The following PCCA variants were observed in gnomAD, a reference collection of about 807,000 sequenced individuals.
PCCA encodes propionyl-CoA carboxylase alpha chain, mitochondrial.
In PCCA, 74 loss-of-function variants were observed where a neutral mutation model predicts 101.3. The observed-to-expected ratio is 0.73, with a 90% CI of 0.61 to 0.89. The LOEUF (loss-of-function observed/expected upper bound fraction) is 0.89, where lower values mean the gene tolerates loss of function less well. PCCA is among the 40% of genes least tolerant of loss of function. The probability of loss-of-function intolerance (pLI) is 0.00; values close to 1 mark genes in which losing one functional copy is unlikely to be tolerated. For missense variants in PCCA, 891 were observed against 907.0 expected (o/e 0.98, Z 0.23); for synonymous variants, 294 against 313.6 (o/e 0.94, Z 0.66).
intron 4 of PCCA, among the ~76,000 whole-genome samples, chr13:100,132,180 A>G (rs2050581279): frequency 1.3e-5 from 2 of 151,652 alleles, no homozygotes; most frequent in African/African-American, 2.4e-5. Context: ...ATCCTATAGT[A>G]ATAGGATACC....
At chr13:100,328,646 G>A (rs2069038597) in intron 16 of PCCA, among the ~76,000 whole-genome samples, 1 of 145,152 alleles carries the variant, frequency 6.9e-6, no homozygotes, top group Admixed American at 6.9e-5. Context: ...TTCATTTGGA[G>A]TTAATTTTTT....
chr13:100,371,584 A>G (rs2075576142), intron 19 of PCCA, among the ~76,000 whole-genome samples: 1 of 152,204 alleles, frequency 6.6e-6, no homozygotes, highest in Non-Finnish European at 1.5e-5. Context: ...TGAACAAAAG[A>G]AAAATGAAAG....
chr13:100,180,926 T>C (rs948415991), intron 6 of PCCA, among the ~76,000 whole-genome samples: 6 of 152,242 alleles, frequency 3.9e-5, no homozygotes, highest in Non-Finnish European at 8.8e-5. Context: ...TAATCAAGGC[T>C]TAAGCCATTG....
chr13:100,142,684 G>A (rs183190627), intron 4 of PCCA, among the ~76,000 whole-genome samples: 11 of 152,238 alleles, frequency 7.2e-5, no homozygotes, highest in Admixed American at 7.2e-4. Flanking sequence ...ATGTTGGCCA[G>A]GCTGGTCTCA....
intron 4 of PCCA, among the ~76,000 whole-genome samples, chr13:100,130,062 C>G (rs1394067155): frequency 6.6e-6 from 1 of 152,062 alleles, no homozygotes; most frequent in African/African-American, 2.4e-5. Flanking sequence ...TTTTTTTGTG[C>G]TAAATTTATT....
intron 4 of PCCA, among the ~76,000 whole-genome samples, chr13:100,146,253 TATAAG>T (rs1306195186): frequency 6.6e-6 from 1 of 151,572 alleles, no homozygotes; most frequent in East Asian, 2.0e-4. Context: ...TTTGCTTTTT[TATAAG>T]ATATCTGTTG....
chr13:100,398,891 A>T (rs1217189264), intron 19 of PCCA, among the ~76,000 whole-genome samples: 1 of 152,210 alleles, frequency 6.6e-6, no homozygotes, highest in Non-Finnish European at 1.5e-5. Context: ...ACTATTAATT[A>T]TAATAAAGTG....
intron 1 of PCCA, among the ~76,000 whole-genome samples, chr13:100,100,033 G>A (rs571370337): frequency 2.0e-5 from 3 of 152,240 alleles, no homozygotes; most frequent in East Asian, 3.9e-4. Context: ...TACATATTTG[G>A]ATTTAGTTTT....
chr13:100,460,622 TAATA>T (rs772330957), intron 21 of PCCA, among the ~76,000 whole-genome samples: 21 of 152,230 alleles, frequency 1.4e-4, no homozygotes, highest in Non-Finnish European at 2.5e-4. Flanking sequence ...TTTTTATTGA[TAATA>T]AATATACTTT....
chr13:100,272,288 A>G (rs947198394), intron 11 of PCCA, among the ~76,000 whole-genome samples: 2 of 152,190 alleles, frequency 1.3e-5, no homozygotes, highest in Non-Finnish European at 2.9e-5. Flanking sequence ...CCCCTAGGGG[A>G]AATACAGGGT....
chr13:100,513,783 C>A (rs1408442595), intron 21 of PCCA, among the ~76,000 whole-genome samples: 1 of 152,196 alleles, frequency 6.6e-6, no homozygotes, highest in Non-Finnish European at 1.5e-5. Context: ...CTGAACAAGG[C>A]ACGTCGTAAG....
At chr13:100,154,757 AT>A in intron 4 of PCCA, 2 of 525,480 alleles carry the variant, frequency 3.8e-6, no homozygotes, top group Non-Finnish European at 3.4e-6. Flanking sequence ...TATGGAAATT[AT>A]TTGGTTAGAC....
chr13:100,472,596 A>G (rs577843835), intron 21 of PCCA, among the ~76,000 whole-genome samples: 2 of 152,160 alleles, frequency 1.3e-5, no homozygotes, highest in South Asian at 4.2e-4. Context: ...AGCCAGAGAA[A>G]AGTGTGGGTG....
chr13:100,347,379 C>T (rs1379577268), intron 18 of PCCA, among the ~76,000 whole-genome samples: 2 of 152,168 alleles, frequency 1.3e-5, no homozygotes, highest in Non-Finnish European at 2.9e-5. Context: ...TACTAAAATG[C>T]ATTCTGAAAC....
intron 4 of PCCA, among the ~76,000 whole-genome samples, chr13:100,147,861 T>C (rs2052771395): frequency 6.6e-6 from 1 of 152,200 alleles, no homozygotes; most frequent in Admixed American, 6.5e-5. Context: ...GAAATTGTGA[T>C]GGATCTATAT....
chr13:100,222,800 T>C (rs948720448), intron 7 of PCCA, among the ~76,000 whole-genome samples: 2 of 152,246 alleles, frequency 1.3e-5, no homozygotes, highest in Admixed American at 1.3e-4. Context: ...CCACCAGTTA[T>C]GATACAATTT....
chr13:100,392,391 T>G (rs1008646196), intron 19 of PCCA, among the ~76,000 whole-genome samples: 1 of 152,202 alleles, frequency 6.6e-6, no homozygotes, highest in Non-Finnish European at 1.5e-5. Flanking sequence ...GATATCAAAA[T>G]TCAGTCAATG....
chr13:100,097,100 C>T (rs7325252), intron 1 of PCCA, among the ~76,000 whole-genome samples: 102,214 of 152,048 alleles, frequency 0.67, 34,509 homozygotes, highest in Admixed American at 0.72. Context: ...AAGGTATGTA[C>T]AAACAGGGAA....
chr13:100,371,508 A>G (rs2075571461), intron 19 of PCCA, among the ~76,000 whole-genome samples: 1 of 152,204 alleles, frequency 6.6e-6, no homozygotes, highest in African/African-American at 2.4e-5. Flanking sequence ...AGGCTGAGAC[A>G]GTAGGTTCAC....
Sources: gnomAD v4.1 joint callset for allele counts (sites outside exome capture counted in the v4.1 genomes callset) on GRCh38, gnomAD v4.1.1 for gene constraint, MANE v1.5 for transcripts, NCBI Gene and HGNC (gene_info 2026-07-23, HGNC 2026-07-21) for gene names.